RAPGEF1: variants seen among roughly 807,000 people sequenced by gnomAD.
The protein encoded by RAPGEF1 is CRK SH3-binding GNRP.
In RAPGEF1, 33 loss-of-function variants were observed where a neutral mutation model predicts 143.3. The observed-to-expected ratio is 0.23, with a 90% CI of 0.17 to 0.31. RAPGEF1 has a LOEUF of 0.31. Ranked by LOEUF, RAPGEF1 falls within the 10% of genes least tolerant of loss-of-function variation. The probability of loss-of-function intolerance (pLI) is 1.00; values close to 1 mark genes in which losing one functional copy is unlikely to be tolerated. For missense variants in RAPGEF1, 1,199 were observed against 1,645.4 expected (o/e 0.73, Z 4.69); for synonymous variants, 629 against 676.5 (o/e 0.93, Z 1.09).
intron 11 of RAPGEF1, among the ~76,000 whole-genome samples, chr9:131,619,995 T>C (rs1383134508): frequency 2.0e-5 from 3 of 152,104 alleles, no homozygotes; most frequent in East Asian, 3.9e-4. Context: ...AATTTACTTA[T>C]AATGGGGATG....
At chr9:131,707,347 C>T (rs1400392423) in intron 1 of RAPGEF1, among the ~76,000 whole-genome samples, 1 of 152,190 alleles carries the variant, frequency 6.6e-6, no homozygotes, top group African/African-American at 2.4e-5. Context: ...ATATCGATGA[C>T]CTGGACTCTA....
At chr9:131,671,005 C>A (rs1831289524) in intron 1 of RAPGEF1, among the ~76,000 whole-genome samples, 1 of 152,218 alleles carries the variant, frequency 6.6e-6, no homozygotes, top group East Asian at 1.9e-4. Flanking sequence ...TTGAACTCAG[C>A]CAAATAGCAT....
chr9:131,662,974 G>A (rs1327807002), intron 1 of RAPGEF1, among the ~76,000 whole-genome samples: 14 of 151,494 alleles, frequency 9.2e-5, no homozygotes, highest in Admixed American at 5.9e-4. Context: ...TGGTTCCAAC[G>A]TTGTATTCTG....
rs36041012 is a variant in RAPGEF1, at chr9:131,626,226, C to T, written c.1398G>A (p.Gln466=). 44,562 of 1,613,876 alleles carry T rather than the reference C, an allele frequency of 0.028. 724 individuals are homozygous for T. Among genetic ancestry groups the T allele is most frequent in the Non-Finnish European group, 0.031 (36,822 of 1,179,810 alleles). Residue 466 remains glutamine, a synonymous_variant, in exon 10 of 27, where the codon CAG becomes CAA. Coordinates refer to ENST00000683357, the MANE Select transcript of RAPGEF1 (RefSeq NM_001377935.1). The part of the protein sequence containing the change: ...QPDGPLAPGQ[Q]TDTPPALPEK... ...CGGGGAGAGCAGGTGGCGTATCTGT[C>T]TGCTGCCCTGGGGCCAGAGGTCCGT...
chr9:131,729,897 T>A (rs996067924), intron 1 of RAPGEF1, among the ~76,000 whole-genome samples: 1 of 152,148 alleles, frequency 6.6e-6, no homozygotes, highest in Admixed American at 6.5e-5. Flanking sequence ...TCCATACTTA[T>A]GATAAGAAAC....
intron 1 of RAPGEF1, among the ~76,000 whole-genome samples, chr9:131,733,294 C>A (rs1237594175): frequency 2.8e-5 from 4 of 144,838 alleles, no homozygotes; most frequent in Non-Finnish European, 5.9e-5. Flanking sequence ...CACATGTATA[C>A]CTATGTAACA....
intron 24 of RAPGEF1, 49 bp from the exon 25 acceptor site, chr9:131,582,751 G>C: frequency 7.5e-6 from 11 of 1,468,090 alleles, no homozygotes; most frequent in Non-Finnish European, 6.4e-6. Flanking sequence ...GCGAGTGCTG[G>C]GGCAATGCTG....
Position 131,650,733 on chromosome 9 carries a change from G to T in RAPGEF1, c.201+77C>A. The T allele has an allele frequency of 3.2e-6, 5 of 1,555,570 alleles. No homozygotes were observed. The highest frequency in any genetic ancestry group is 4.4e-6 in the Non-Finnish European group (5 of 1,146,052). On this transcript the variant is annotated intron_variant, in intron 2 of 26. Coordinates refer to ENST00000683357, the MANE Select transcript of RAPGEF1 (RefSeq NM_001377935.1). This position sits in a 1 kb window ranked among gnomAD's most constrained non-coding sequence, Gnocchi z 4.7. ...ATGCACTGAAAGCTCAATCCCCAGGGAGGGAACATACAAATCGCACAAACT... is the reference window on the plus strand; with the variant it reads ...ATGCACTGAAAGCTCAATCCCCAGGTAGGGAACATACAAATCGCACAAACT...
At chr9:131,708,788 G>C (rs1463031151) in intron 1 of RAPGEF1, among the ~76,000 whole-genome samples, 3 of 151,656 alleles carry the variant, frequency 2.0e-5, no homozygotes, top group African/African-American at 7.3e-5. Flanking sequence ...CTGGAGTGCA[G>C]TGGCGCAATC....
At chr9:131,710,320 A>C (rs1301512962) in intron 1 of RAPGEF1, among the ~76,000 whole-genome samples, 1 of 152,202 alleles carries the variant, frequency 6.6e-6, no homozygotes, top group Non-Finnish European at 1.5e-5. Flanking sequence ...CCAAAGAAGA[A>C]AACACCTTGG....
chr9:131,711,590 T>G (rs1317133563), intron 1 of RAPGEF1, among the ~76,000 whole-genome samples: 2 of 152,140 alleles, frequency 1.3e-5, no homozygotes, highest in Admixed American at 1.3e-4. Flanking sequence ...ACTCCTCACC[T>G]CAAGTGATCC....
intron 1 of RAPGEF1, among the ~76,000 whole-genome samples, chr9:131,714,836 T>C (rs202213552): frequency 2.0e-5 from 3 of 151,598 alleles, no homozygotes; most frequent in East Asian, 1.9e-4. Context: ...GCCTCCTGAC[T>C]AGCTGGGACT....
intron 1 of RAPGEF1, among the ~76,000 whole-genome samples, chr9:131,711,361 C>CTTTTTT (rs71374121): frequency 7.7e-6 from 1 of 130,314 alleles, no homozygotes. Flanking sequence ...CTATTATCAC[C>CTTTTTT]TTTTTTTTTT....
intron 1 of RAPGEF1, among the ~76,000 whole-genome samples, chr9:131,715,410 C>T (rs1287180215): frequency 6.6e-6 from 1 of 151,960 alleles, no homozygotes; most frequent in Non-Finnish European, 1.5e-5. Context: ...GAGGTATGTG[C>T]CCAGGGGAAG....
chr9:131,604,884 G>C lies in RAPGEF1; in HGVS notation c.2319+47C>G, dbSNP rs556660656. On this transcript the variant is annotated intron_variant, in intron 13 of 26. Transcript: ENST00000683357. ...AAAAAACGTGCAGCCCCATGTGCAGGGGTGTGTGTGTGTGTGTGTGTGTGT... is the reference window on the plus strand; with the variant it reads ...AAAAAACGTGCAGCCCCATGTGCAGCGGTGTGTGTGTGTGTGTGTGTGTGT... 4.2e-5 allele frequency: 53 copies of C among 1,258,500 alleles called. No homozygotes were observed. In the African/African-American group the frequency reaches 8.1e-4, roughly 19 times the overall value. The allele number at this position is 1,258,500 out of a possible 1,614,324, so 78.0% of individuals were successfully genotyped here.
chr9:131,739,268 T>C (rs1837600326), intron 1 of RAPGEF1, among the ~76,000 whole-genome samples: 1 of 152,092 alleles, frequency 6.6e-6, no homozygotes, highest in South Asian at 2.1e-4. Flanking sequence ...CTTGACTACC[T>C]CCTCAAAATA....
intron 1 of RAPGEF1, among the ~76,000 whole-genome samples, chr9:131,715,035 T>C (rs897855575): frequency 5.3e-5 from 8 of 151,892 alleles, no homozygotes; most frequent in Admixed American, 5.2e-4. Context: ...GTAACTTTCC[T>C]GTCCAGGCCT....
intron 5 of RAPGEF1, among the ~76,000 whole-genome samples, chr9:131,636,650 T>C (rs1966441606): frequency 6.6e-6 from 1 of 152,224 alleles, no homozygotes; most frequent in African/African-American, 2.4e-5. Context: ...CAATGTTACC[T>C]GAAGAATAAC....
At chr9:131,598,618 A>G (rs2132405532) in intron 15 of RAPGEF1, 1 of 508,000 alleles carries the variant, frequency 2.0e-6, no homozygotes, top group South Asian at 1.6e-5. Context: ...CCCACCGCAC[A>G]GTTAGCATTT....
Sources: allele counts gnomAD v4.1 joint callset (sites outside exome capture counted in the v4.1 genomes callset), GRCh38; gene constraint gnomAD v4.1.1; non-coding constraint Gnocchi (gnomAD v3.1); transcripts MANE v1.5; gene names NCBI Gene and HGNC (gene_info 2026-07-23, HGNC 2026-07-21).